Variants in CNTNAP2 observed in about 807,000 individuals in gnomAD.
The protein encoded by CNTNAP2 is contactin-associated protein-like 2.
A neutral mutation model predicts 155.2 loss-of-function variants in CNTNAP2; 98 were observed. The observed-to-expected ratio is 0.63, with a 90% CI of 0.54 to 0.75. The LOEUF (loss-of-function observed/expected upper bound fraction) is 0.75, where lower values mean the gene tolerates loss of function less well. Among genes scored for constraint, CNTNAP2 ranks in the 30% least tolerant of loss-of-function variants. The pLI, the probability that CNTNAP2 is intolerant of heterozygous loss-of-function variation, is 0.00. For missense variants in CNTNAP2, 1,727 were observed against 1,688.1 expected (o/e 1.02, Z -0.40); for synonymous variants, 651 against 631.2 (o/e 1.03, Z -0.47).
chr7:148,249,606 G>A (rs373779316), intron 20 of CNTNAP2, among the ~76,000 whole-genome samples: 6 of 152,000 alleles, frequency 3.9e-5, no homozygotes, highest in Non-Finnish European at 5.9e-5. Context: ...TAAACACTCC[G>A]AACACAATAT....
intron 10 of CNTNAP2, among the ~76,000 whole-genome samples, chr7:147,413,848 C>T (rs1797142997): frequency 6.6e-6 from 1 of 152,218 alleles, no homozygotes; most frequent in African/African-American, 2.4e-5. Flanking sequence ...CAAAAAAGAT[C>T]AGTGATGTGG....
chr7:146,573,870 A>T (rs1798480355), intron 1 of CNTNAP2, among the ~76,000 whole-genome samples: 1 of 152,170 alleles, frequency 6.6e-6, no homozygotes, highest in Non-Finnish European at 1.5e-5. Flanking sequence ...GTTAAATAGG[A>T]TTGTTAAGTG....
intron 10 of CNTNAP2, among the ~76,000 whole-genome samples, chr7:147,399,047 T>C (rs1796869437): frequency 6.6e-6 from 1 of 152,028 alleles, no homozygotes; most frequent in African/African-American, 2.4e-5. Flanking sequence ...GGTAACTGAA[T>C]GTACTAATGC....
chr7:148,201,901 A>G (rs969811116), intron 18 of CNTNAP2, among the ~76,000 whole-genome samples: 3 of 151,964 alleles, frequency 2.0e-5, no homozygotes, highest in African/African-American at 7.3e-5. Flanking sequence ...ACACAGGGAG[A>G]TATTATAGTA....
At chr7:147,692,076 G>T (rs1191834261) in intron 13 of CNTNAP2, among the ~76,000 whole-genome samples, 1 of 152,004 alleles carries the variant, frequency 6.6e-6, no homozygotes, top group Non-Finnish European at 1.5e-5. Context: ...CCATGGTTTT[G>T]CCTTTTCCAG....
chr7:146,501,375 A>G (rs1414911231), intron 1 of CNTNAP2, among the ~76,000 whole-genome samples: 1 of 151,890 alleles, frequency 6.6e-6, no homozygotes, highest in Admixed American at 6.6e-5. Context: ...TTTTTTTATT[A>G]CTAATCCAAT....
intron 4 of CNTNAP2, among the ~76,000 whole-genome samples, chr7:147,076,260 T>A (rs905486399): frequency 4.6e-5 from 7 of 152,134 alleles, no homozygotes; most frequent in Admixed American, 2.0e-4. Context: ...AGTGTAAAAG[T>A]GTTCCTATTT....
intron 12 of CNTNAP2, among the ~76,000 whole-genome samples, chr7:147,563,602 T>C (rs10264857): frequency 0.45 from 67,897 of 151,208 alleles, 15,405 homozygotes; most frequent in East Asian, 0.61. Flanking sequence ...GCACTCCAGC[T>C]TGGTGACAGA....
At chr7:146,341,732 A>C (rs1050248291) in intron 1 of CNTNAP2, among the ~76,000 whole-genome samples, 1 of 152,132 alleles carries the variant, frequency 6.6e-6, no homozygotes, top group African/African-American at 2.4e-5. Flanking sequence ...AAAACAAAAA[A>C]AACCCCTGAA....
chr7:147,670,641 T>A (rs1795771534), intron 13 of CNTNAP2, among the ~76,000 whole-genome samples: 1 of 152,148 alleles, frequency 6.6e-6, no homozygotes, highest in Non-Finnish European at 1.5e-5. Context: ...TGGCCAGAGA[T>A]GGCCAGACGT....
chr7:146,407,029 A>T (rs751631608), intron 1 of CNTNAP2, among the ~76,000 whole-genome samples: 1 of 152,226 alleles, frequency 6.6e-6, no homozygotes, highest in Non-Finnish European at 1.5e-5. Flanking sequence ...GATCAATAGC[A>T]TGCCTGTATT....
chr7:148,355,186 TTTTTTTTTTTTTTG>T (rs1798491497), intron 21 of CNTNAP2, among the ~76,000 whole-genome samples: 3 of 114,946 alleles, frequency 2.6e-5, no homozygotes, highest in South Asian at 3.3e-4. Flanking sequence ...TTTTTTTTTT[TTTTTTTTTTTTTTG>T]AGACGGAGTC....
intron 13 of CNTNAP2, among the ~76,000 whole-genome samples, chr7:147,884,631 C>T (rs1263980269): frequency 6.6e-6 from 1 of 152,096 alleles, no homozygotes; most frequent in Non-Finnish European, 1.5e-5. Context: ...CTGTGTCTTT[C>T]CTGCTGTTGT....
chr7:146,556,160 T>G (rs993516502), intron 1 of CNTNAP2, among the ~76,000 whole-genome samples: 1 of 151,728 alleles, frequency 6.6e-6, no homozygotes, highest in Non-Finnish European at 1.5e-5. Flanking sequence ...ATAATGTCAG[T>G]CTTTTTTTTT....
intron 21 of CNTNAP2, among the ~76,000 whole-genome samples, chr7:148,303,799 C>T (rs924867024): frequency 2.0e-5 from 3 of 152,128 alleles, no homozygotes; most frequent in Middle Eastern, 3.2e-3. Flanking sequence ...AAATTGGAAA[C>T]GTGTTTAATG....
chr7:146,459,725 C>A (rs1796608599), intron 1 of CNTNAP2, among the ~76,000 whole-genome samples: 1 of 152,160 alleles, frequency 6.6e-6, no homozygotes. Flanking sequence ...AATCCCAGCA[C>A]TTTGGGAGGC....
At chr7:146,633,957 G>A (rs1799555676) in intron 1 of CNTNAP2, among the ~76,000 whole-genome samples, 1 of 151,806 alleles carries the variant, frequency 6.6e-6, no homozygotes. Context: ...GCTGCCATCT[G>A]GCAGGCAGCC....
chr7:147,692,804 A>G (rs1584903293), intron 13 of CNTNAP2, among the ~76,000 whole-genome samples: 3 of 151,734 alleles, frequency 2.0e-5, no homozygotes. Context: ...TTGTCTTTTT[A>G]TTCTCTTGAC....
In CNTNAP2 at chr7:147,925,290, GCGCACACA is replaced by G. The variant is rs1305545800; in HGVS notation, c.2255+21571_2255+21578del. On this transcript the variant is annotated intron_variant, in intron 14 of 23. Coordinates refer to ENST00000361727, the MANE Select transcript of CNTNAP2 (RefSeq NM_014141.6). ...TGCAGACAAACACACACAAGCGCGC[GCGCACACA>G]CACACACACACACACACACACACAC... 6.3e-3 allele frequency among the ~76,000 whole-genome samples: 432 copies of G among 68,960 alleles called. 6 individuals carry two copies. Among genetic ancestry groups the G allele is most frequent in the Middle Eastern group, 6.8e-3 (1 of 148 alleles). The allele number at this position is 68,960 out of a possible 152,430, so 45.2% of individuals were successfully genotyped here. A position where few individuals can be genotyped will look rare whatever the true frequency, so the allele number is the denominator to read the frequency against.
Sources: gnomAD v4.1 joint callset for allele counts (sites outside exome capture counted in the v4.1 genomes callset) on GRCh38, gnomAD v4.1.1 for gene constraint, MANE v1.5 for transcripts, NCBI Gene and HGNC (gene_info 2026-07-23, HGNC 2026-07-21) for gene names.